The following SPOCK1 variants were observed in gnomAD, a reference collection of about 807,000 sequenced individuals.
SPOCK1 encodes testican-1.
In SPOCK1, 23 loss-of-function variants were observed where a neutral mutation model predicts 55.3. The ratio of observed to expected loss-of-function variants is 0.42; its 90% confidence interval spans 0.30 to 0.59. SPOCK1 has a LOEUF of 0.59. Among genes scored for constraint, SPOCK1 ranks in the 20% least tolerant of loss-of-function variants. SPOCK1 has a pLI of 0.22. For synonymous variants in SPOCK1, 226 were observed against 221.0 expected (o/e 1.02, Z -0.20); for missense variants, 499 against 552.5 (o/e 0.90, Z 0.97).
intron 5 of SPOCK1, among the ~76,000 whole-genome samples, chr5:137,098,367 T>A (rs1362089358): frequency 6.6e-6 from 1 of 152,202 alleles, no homozygotes; most frequent in Non-Finnish European, 1.5e-5. Context: ...TGAAACTATC[T>A]ACATTTACAT....
intron 2 of SPOCK1, among the ~76,000 whole-genome samples, chr5:137,375,224 T>C (rs1342397336): frequency 6.6e-6 from 1 of 151,780 alleles, no homozygotes; most frequent in Non-Finnish European, 1.5e-5. Flanking sequence ...AGTAATAAAC[T>C]CACAAAAAGG....
intron 2 of SPOCK1, among the ~76,000 whole-genome samples, chr5:137,446,570 T>C (rs1361510447): frequency 1.3e-5 from 2 of 152,030 alleles, no homozygotes; most frequent in Non-Finnish European, 2.9e-5. Context: ...ATGAGAAAAT[T>C]GGGAAGGTGC....
intron 6 of SPOCK1, among the ~76,000 whole-genome samples, chr5:137,028,891 A>G (rs6886678): frequency 0.85 from 129,043 of 152,122 alleles, 55,266 homozygotes; most frequent in South Asian, 0.95. Context: ...CACTGGAAGC[A>G]CCCTTTGAAG....
At chr5:137,306,457 C>T (rs950186220) in intron 2 of SPOCK1, among the ~76,000 whole-genome samples, 3 of 152,222 alleles carry the variant, frequency 2.0e-5, no homozygotes, top group East Asian at 3.9e-4. Flanking sequence ...GTATGACAAG[C>T]GGTGAGCAGG....
intron 2 of SPOCK1, among the ~76,000 whole-genome samples, chr5:137,338,972 G>T (rs1205867698): frequency 6.6e-6 from 1 of 152,188 alleles, no homozygotes; most frequent in Non-Finnish European, 1.5e-5. Context: ...TCAATGAATG[G>T]TAACTATAAT....
At chr5:137,405,202 C>T (rs1437224428) in intron 2 of SPOCK1, among the ~76,000 whole-genome samples, 1 of 152,198 alleles carries the variant, frequency 6.6e-6, no homozygotes, top group Non-Finnish European at 1.5e-5. Flanking sequence ...TGTCTAAATT[C>T]ATCACTGTTT....
At chr5:137,329,702 C>G (rs1293705795) in intron 2 of SPOCK1, among the ~76,000 whole-genome samples, 1 of 152,150 alleles carries the variant, frequency 6.6e-6, no homozygotes, top group Non-Finnish European at 1.5e-5. Flanking sequence ...CAGAACCTTT[C>G]TGCATTATTG....
At chr5:137,364,557 A>T (rs1212501290) in intron 2 of SPOCK1, among the ~76,000 whole-genome samples, 1 of 152,200 alleles carries the variant, frequency 6.6e-6, no homozygotes, top group East Asian at 1.9e-4. Flanking sequence ...TGACAGGAGC[A>T]CCTATAGTTC....
In SPOCK1 at chr5:137,024,321, G is replaced by GGA. The variant is rs372406544; in HGVS notation, c.590-31722_590-31721insTC. On this transcript the variant is annotated intron_variant, in intron 6 of 10. Transcript: ENST00000394945. ...TAAATTGCACCAGTTTGAAGGGGGG[G>GGA]GGGTAGTTACAACTGACTGCTCATG... Among the ~76,000 whole-genome samples the GGA allele has an allele frequency of 2.5e-3, 365 of 146,766 alleles. 16 individuals are homozygous for GGA. Among genetic ancestry groups the GGA allele is most frequent in the African/African-American group, 8.2e-3 (322 of 39,444 alleles).
chr5:137,099,739 G>T (rs1004041355), intron 5 of SPOCK1, among the ~76,000 whole-genome samples: 1 of 151,980 alleles, frequency 6.6e-6, no homozygotes, highest in African/African-American at 2.4e-5. Context: ...TATGTTTGTG[G>T]TTTCAGCTCC....
intron 6 of SPOCK1, among the ~76,000 whole-genome samples, chr5:137,065,780 C>G (rs1752496950): frequency 6.6e-6 from 1 of 152,164 alleles, no homozygotes; most frequent in African/African-American, 2.4e-5. Flanking sequence ...AAATGGTAAT[C>G]TTGTTCTCAC....
chr5:137,484,271 C>A (rs554735842), intron 2 of SPOCK1, among the ~76,000 whole-genome samples: 2 of 152,272 alleles, frequency 1.3e-5, no homozygotes, highest in Non-Finnish European at 2.9e-5. Flanking sequence ...TCCCCACAAC[C>A]AGTTCAAAGG....
intron 6 of SPOCK1, among the ~76,000 whole-genome samples, chr5:136,995,269 G>C (rs1751019806): frequency 6.6e-6 from 1 of 152,154 alleles, no homozygotes; most frequent in South Asian, 2.1e-4. Context: ...TGAGAAAGAA[G>C]ATAAGCCCCC....
chr5:137,382,810 G>A (rs1211365096), intron 2 of SPOCK1, among the ~76,000 whole-genome samples: 1 of 152,188 alleles, frequency 6.6e-6, no homozygotes, highest in Non-Finnish European at 1.5e-5. Flanking sequence ...ACATGCCCAG[G>A]AGGACAGAGC....
chr5:137,165,458 C>T (rs567433300), intron 3 of SPOCK1, among the ~76,000 whole-genome samples: 2 of 152,224 alleles, frequency 1.3e-5, no homozygotes, highest in South Asian at 4.2e-4. Flanking sequence ...CACAAACAAG[C>T]CCAGACTGCA....
intron 3 of SPOCK1, among the ~76,000 whole-genome samples, chr5:137,202,931 C>A (rs938911356): frequency 6.6e-6 from 1 of 152,188 alleles, no homozygotes; most frequent in Non-Finnish European, 1.5e-5. Context: ...TACATATTCA[C>A]GTCCTTGTTG....
chr5:137,326,330 G>T (rs1376643930), intron 2 of SPOCK1, among the ~76,000 whole-genome samples: 1 of 151,902 alleles, frequency 6.6e-6, no homozygotes, highest in Non-Finnish European at 1.5e-5. Context: ...CAGGCCAAAG[G>T]CATTCGATTC....
At chr5:137,074,993 G>A (rs536154264) in intron 5 of SPOCK1, among the ~76,000 whole-genome samples, 1 of 152,018 alleles carries the variant, frequency 6.6e-6, no homozygotes, top group East Asian at 1.9e-4. Flanking sequence ...GTGAGTCACC[G>A]CGCCCGACCT....
chr5:137,039,970 C>T lies in SPOCK1; in HGVS notation c.589+27745G>A, dbSNP rs572837490. 1.3e-3 allele frequency among the ~76,000 whole-genome samples: 202 copies of T among 152,294 alleles called. 3 individuals carry two copies. The highest frequency in any genetic ancestry group is 4.5e-3 in the African/African-American group (189 of 41,554). ...CCTATACTTTGAATAATAACAGAAC[C>T]GGCTGCTGGCTGGAGTCTGCCAAGG... On this transcript the variant is annotated intron_variant, in intron 6 of 10. Coordinates refer to ENST00000394945, the MANE Select transcript of SPOCK1 (RefSeq NM_004598.4).
Sources: gnomAD v4.1 joint callset for allele counts (sites outside exome capture counted in the v4.1 genomes callset) on GRCh38, gnomAD v4.1.1 for gene constraint, MANE v1.5 for transcripts, NCBI Gene and HGNC (gene_info 2026-07-23, HGNC 2026-07-21) for gene names.